GRIA1: variants seen among roughly 807,000 people sequenced by gnomAD.
GRIA1 encodes glutamate ionotropic receptor AMPA type subunit 1.
GRIA1 carries 31 observed loss-of-function variants against 99.2 expected under a neutral mutation model. That is an observed-to-expected ratio of 0.31 (90% CI 0.23 to 0.42). GRIA1 has a LOEUF of 0.42. GRIA1 is among the 10% of genes least tolerant of loss of function. The pLI is 1.00. For missense variants in GRIA1, 782 were observed against 1,157.5 expected, an observed-to-expected ratio of 0.68 and a Z score of 4.71; for synonymous variants, 438 against 432.4, an observed-to-expected ratio of 1.01 and a Z score of -0.16.
intron 2 of GRIA1, among the ~76,000 whole-genome samples, chr5:153,572,740 C>T (rs1052836403): frequency 2.0e-5 from 3 of 152,116 alleles, no homozygotes. Flanking sequence ...GCTCAGGGGA[C>T]GACTACGCGG....
At chr5:153,730,169 T>A (rs1410492745) in intron 11 of GRIA1, among the ~76,000 whole-genome samples, 3 of 152,072 alleles carry the variant, frequency 2.0e-5, no homozygotes, top group Non-Finnish European at 2.9e-5. Flanking sequence ...CAGATTCTAG[T>A]TCCATAGTTC....
chr5:153,500,003 T>C (rs1044458927), intron 2 of GRIA1, among the ~76,000 whole-genome samples: 3 of 152,244 alleles, frequency 2.0e-5, no homozygotes, highest in African/African-American at 7.2e-5. Flanking sequence ...CTCTGGTTAA[T>C]GTTACAGTCT....
intron 6 of GRIA1, among the ~76,000 whole-genome samples, chr5:153,676,227 G>A (rs757879799): frequency 4.3e-4 from 65 of 152,244 alleles, no homozygotes; most frequent in South Asian, 3.1e-3. Context: ...CCATTCATTC[G>A]TTCTTCAATT....
intron 2 of GRIA1, among the ~76,000 whole-genome samples, chr5:153,507,902 C>G (rs1423280164): frequency 6.6e-6 from 1 of 152,318 alleles, no homozygotes; most frequent in East Asian, 1.9e-4. Context: ...AGTGTTGCCA[C>G]AAACATGCCT....
intron 1 of GRIA1, chr5:153,492,137 G>A: frequency 2.8e-6 from 4 of 1,425,062 alleles, no homozygotes; most frequent in Non-Finnish European, 3.7e-6. Context: ...GGGAGTTTGT[G>A]CTCTTTTGTG....
At chr5:153,798,011 G>A (rs949742970) in intron 14 of GRIA1, among the ~76,000 whole-genome samples, 2 of 152,296 alleles carry the variant, frequency 1.3e-5, no homozygotes, top group African/African-American at 2.4e-5. Context: ...TGCCTCAAAT[G>A]TTTTGGGGGT....
intron 11 of GRIA1, among the ~76,000 whole-genome samples, chr5:153,733,955 A>C (rs952370413): frequency 6.6e-5 from 10 of 152,228 alleles, no homozygotes; most frequent in Admixed American, 5.9e-4. Flanking sequence ...ACTTATCCAC[A>C]GAAAAATCCA....
chr5:153,554,691 C>A (rs1222328808), intron 2 of GRIA1, among the ~76,000 whole-genome samples: 1 of 152,044 alleles, frequency 6.6e-6, no homozygotes, highest in Non-Finnish European at 1.5e-5. Context: ...ACGGGGTTCC[C>A]CCATGTTGGC....
In GRIA1 at chr5:153,655,845, C is replaced by T. The variant is rs147489207; in HGVS notation, c.672C>T (p.Ile224=). 92 of 1,613,254 alleles carry T rather than the reference C, an allele frequency of 5.7e-5. 1 individual carries two copies. The African/African-American group carries it at 9.2e-4, about 16-fold the overall frequency. ...GQIIKLEKNG[I]GYHYILANLG... ...TTATAAAGCTAGAGAAGAATGGCAT[C>T]GGCTACCACTACATTCTTGCAAATC... The change falls in exon 5 of 16, where the codon ATC becomes ATT. Residue 224 remains isoleucine, a synonymous_variant. Transcript: ENST00000285900.
chr5:153,661,437 C>T (rs771743158), intron 5 of GRIA1, among the ~76,000 whole-genome samples: 4 of 152,184 alleles, frequency 2.6e-5, no homozygotes, highest in Admixed American at 6.5e-5. Flanking sequence ...GATCCCTCAA[C>T]GCTCTCGGAA....
chr5:153,610,550 T>C (rs912557154), intron 2 of GRIA1, among the ~76,000 whole-genome samples: 5 of 152,248 alleles, frequency 3.3e-5, no homozygotes, highest in Non-Finnish European at 5.9e-5. Context: ...GTATAGCTAC[T>C]CTATGCAAAA....
intron 14 of GRIA1, among the ~76,000 whole-genome samples, chr5:153,798,943 C>T (rs1425628157): frequency 2.6e-5 from 4 of 152,216 alleles, no homozygotes; most frequent in East Asian, 1.9e-4. Flanking sequence ...CATCACCACT[C>T]GTCACCATTC....
At chr5:153,537,154 C>G (rs1758656001) in intron 2 of GRIA1, among the ~76,000 whole-genome samples, 1 of 152,168 alleles carries the variant, frequency 6.6e-6, no homozygotes, top group South Asian at 2.1e-4. Flanking sequence ...CCTCTCAACG[C>G]CATACAGTGT....
intron 2 of GRIA1, among the ~76,000 whole-genome samples, chr5:153,598,556 G>A (rs1008281687): frequency 6.6e-6 from 1 of 151,996 alleles, no homozygotes; most frequent in Non-Finnish European, 1.5e-5. Flanking sequence ...GGTGAGGGAA[G>A]GACTCAGATC....
intron 13 of GRIA1, among the ~76,000 whole-genome samples, chr5:153,773,974 G>C (rs1764048572): frequency 6.6e-6 from 1 of 151,974 alleles, no homozygotes; most frequent in Non-Finnish European, 1.5e-5. Context: ...AGGGAACACT[G>C]CTAGCAACCA....
At chr5:153,696,179 T>C (rs1758082546) in intron 8 of GRIA1, among the ~76,000 whole-genome samples, 1 of 152,206 alleles carries the variant, frequency 6.6e-6, no homozygotes. Flanking sequence ...TACTTCACTT[T>C]CCACGTCTCG....
intron 2 of GRIA1, chr5:153,494,311 G>A: frequency 2.1e-6 from 1 of 474,798 alleles, no homozygotes; most frequent in South Asian, 2.8e-5. Context: ...CAGCACGATG[G>A]GTGCTTGGGT....
intron 11 of GRIA1, among the ~76,000 whole-genome samples, chr5:153,727,932 C>T (rs201931935): frequency 6.6e-6 from 1 of 151,522 alleles, no homozygotes; most frequent in Non-Finnish European, 1.5e-5. Flanking sequence ...CAAGTCAATC[C>T]TAAGCCAAAA....
rs114217455 is a variant in GRIA1 at position 153,795,909 on chromosome 5, G to A, written c.2385+1174G>A. ...GTACTCTTTGCTGTGGGACAGGGCC[G>A]TTTAGCACACAACCCAGGATGGTCC... On this transcript the variant is annotated intron_variant, in intron 14 of 15. Transcript: ENST00000285900. 6.1e-3 allele frequency among the ~76,000 whole-genome samples: 919 copies of A among 151,854 alleles called. 10 individuals are homozygous for A. The highest frequency in any genetic ancestry group is 0.021 in the African/African-American group (863 of 41,392).
Sources: gnomAD v4.1 joint callset for allele counts (sites outside exome capture counted in the v4.1 genomes callset) on GRCh38, gnomAD v4.1.1 for gene constraint, MANE v1.5 for transcripts, NCBI Gene and HGNC (gene_info 2026-07-23, HGNC 2026-07-21) for gene names.